Variants in DYNC2H1 observed in about 807,000 individuals in gnomAD.
The protein encoded by DYNC2H1 is dynein cytoplasmic 2 heavy chain 1.
In DYNC2H1, 410 loss-of-function variants were observed where a neutral mutation model predicts 570.0. The ratio of observed to expected loss-of-function variants is 0.72; its 90% CI spans 0.66 to 0.78. The LOEUF is 0.78. Among genes scored for constraint, DYNC2H1 ranks in the 30% least tolerant of loss-of-function variants. The probability of loss-of-function intolerance (pLI) is 0.00; values close to 1 mark genes in which losing one functional copy is unlikely to be tolerated. For synonymous variants in DYNC2H1, 1,688 were observed against 1,677.6 expected (o/e 1.01, Z -0.15); for missense variants, 4,865 against 5,046.4 (o/e 0.96, Z 1.09).
At chr11:103,152,109 A>ATTT (rs745575478) in intron 20 of DYNC2H1, 27 bp from the exon 21 acceptor site, 63 of 1,155,322 alleles carry the variant, frequency 5.5e-5, no homozygotes, top group Middle Eastern at 2.5e-4. Flanking sequence ...TTGTTATTCA[A>ATTT]TTTGTTTTTT....
intron 83 of DYNC2H1, among the ~76,000 whole-genome samples, chr11:103,393,356 G>T (rs766267232): frequency 1.3e-4 from 20 of 152,274 alleles, no homozygotes; most frequent in Non-Finnish European, 2.5e-4. Flanking sequence ...CTGTTTACTT[G>T]ATAGCTTCAC....
chr11:103,295,778 A>G (rs536772232), intron 75 of DYNC2H1, among the ~76,000 whole-genome samples: 1 of 152,228 alleles, frequency 6.6e-6, no homozygotes, highest in South Asian at 2.1e-4. Context: ...CTGCCTCTCT[A>G]TCCTTGCTTT....
At chr11:103,300,170 C>T (rs540666989) in intron 75 of DYNC2H1, among the ~76,000 whole-genome samples, 2 of 151,984 alleles carry the variant, frequency 1.3e-5, no homozygotes, top group South Asian at 2.1e-4. Flanking sequence ...CTGCAAAGTA[C>T]GGGAGTCAAT....
chr11:103,388,293 G>T (rs1467662752), intron 83 of DYNC2H1, among the ~76,000 whole-genome samples: 2 of 151,970 alleles, frequency 1.3e-5, no homozygotes, highest in Non-Finnish European at 2.9e-5. Context: ...CTCATGATTT[G>T]GCTCTCTGTT....
In DYNC2H1 at chr11:103,191,624, G is replaced by GT; in HGVS notation, c.7540+9dup. The stretch of plus-strand genomic sequence containing the variant: ...TTAGATATGATTTAGAAGGAGGTGA[G>GT]TTTTGCTAGTGTGTATCTTGTGTGT... On this transcript the variant is annotated splice_donor_region_variant and intron_variant, in intron 46 of 88. Coordinates refer to ENST00000375735, the MANE Select transcript of DYNC2H1 (RefSeq NM_001377.3). The GT allele has an allele frequency of 6.3e-7, 1 of 1,590,616 alleles. No homozygotes were observed. Among genetic ancestry groups the GT allele is most frequent in the Non-Finnish European group, 8.6e-7 (1 of 1,164,564 alleles).
intron 59 of DYNC2H1, among the ~76,000 whole-genome samples, chr11:103,226,876 G>C (rs1863819616): frequency 6.6e-6 from 1 of 152,044 alleles, no homozygotes; most frequent in African/African-American, 2.4e-5. Flanking sequence ...GTTTGTTATT[G>C]GTCTGTTAAG....
In DYNC2H1 at chr11:103,168,869, G is replaced by A; in HGVS notation, c.4877G>A (p.Trp1626Ter). The A allele has an allele frequency of 6.2e-7, 1 of 1,612,884 alleles. No homozygotes were observed. Residue 1626 changes from tryptophan (W) to a stop codon, truncating the protein, a stop_gained, in exon 32 of 89, where the codon TGG becomes TAG. Coordinates refer to ENST00000375735, the MANE Select transcript of DYNC2H1 (RefSeq NM_001377.3). LOFTEE classifies it high-confidence loss of function. ...IQVHTTEDWA[W>*]KKQLRFYMKS... ...GTTCATACAACTGAAGACTGGGCTT[G>A]GAAAAAACAACTTAGATTCTATATG...
rs953196448 is a variant in DYNC2H1 at position 103,446,915 on chromosome 11, T to C, written c.12457-8271T>C. 3.4e-4 allele frequency among the ~76,000 whole-genome samples: 52 copies of C among 152,124 alleles called. No individual in the cohort carries two copies. Among genetic ancestry groups the C allele is most frequent in the Non-Finnish European group, 1.5e-4 (10 of 68,004 alleles). ...GAGGAGACCTATAAGTAGGTGGACA[T>C]TATAAATTCCTGTTTTGCCACACTA... On this transcript the variant is annotated intron_variant, in intron 85 of 88. Coordinates refer to ENST00000375735, the MANE Select transcript of DYNC2H1 (RefSeq NM_001377.3). The surrounding 1 kb of genome is among the most constrained non-coding windows in gnomAD (Gnocchi z 4.5).
rs777302902 is a variant in DYNC2H1, at chr11:103,154,793, A to G, written c.3557A>G (p.Glu1186Gly). Residue 1186 changes from glutamate (E) to glycine (G), a missense_variant, in exon 24 of 89, where the codon GAG becomes GGG. Glu to Gly is a moderately conservative substitution (Grantham distance 98). Around this residue, in one of 5 missense-constraint regions of DYNC2H1, gnomAD observed 1,936 missense variants for 1,962.1 expected, o/e 0.99. Coordinates refer to ENST00000375735, the MANE Select transcript of DYNC2H1 (RefSeq NM_001377.3). Reference sequence around the variant, plus strand: ...GTGATGACAGTGAAATTACAATCAGAGGTTGACAAATATAAAGTAAGATTG... The same window carrying G: ...GTGATGACAGTGAAATTACAATCAGGGGTTGACAAATATAAAGTAAGATTG... Reference protein sequence around the residue: ...HSVMTVKLQSEVDKYKIVIPI... With the variant: ...HSVMTVKLQSGVDKYKIVIPI... 11 of 1,545,732 alleles carry G rather than the reference A, an allele frequency of 7.1e-6. No homozygotes were observed. The highest frequency in any genetic ancestry group is 9.6e-6 in the Non-Finnish European group (11 of 1,146,358).
At chr11:103,366,785 T>A (rs753975287) in intron 83 of DYNC2H1, among the ~76,000 whole-genome samples, 1 of 152,146 alleles carries the variant, frequency 6.6e-6, no homozygotes, top group Non-Finnish European at 1.5e-5. Flanking sequence ...ATGTTAAGTG[T>A]CCAATAAATA....
chr11:103,413,936 T>C (rs1943184220), intron 84 of DYNC2H1, among the ~76,000 whole-genome samples: 1 of 152,190 alleles, frequency 6.6e-6, no homozygotes, highest in Non-Finnish European at 1.5e-5. Flanking sequence ...CTTTTGTTTG[T>C]CCTTTTTCAT....
chr11:103,150,047 A>C (rs1428099190), intron 20 of DYNC2H1, among the ~76,000 whole-genome samples: 1 of 152,222 alleles, frequency 6.6e-6, no homozygotes, highest in Non-Finnish European at 1.5e-5. Flanking sequence ...AGGAACAGAT[A>C]GATGTAAACA....
At chr11:103,259,016 A>T (rs1232805255) in intron 69 of DYNC2H1, among the ~76,000 whole-genome samples, 1 of 152,212 alleles carries the variant, frequency 6.6e-6, no homozygotes, top group African/African-American at 2.4e-5. Context: ...GGATTAATGC[A>T]TCTGAGTTCC....
In DYNC2H1 at chr11:103,186,565, A is replaced by G; in HGVS notation, c.6893+64A>G. ...ATTCCTGCCGCCCCTAATTGATTTA[A>G]TGGCTTTTGTTATGTTTCTTTTGGT... On this transcript the variant is annotated intron_variant, in intron 42 of 88. Transcript: ENST00000375735. This position sits in a 1 kb window ranked among gnomAD's most constrained non-coding sequence, Gnocchi z 4.5. The G allele has an allele frequency of 1.3e-6, 2 of 1,549,426 alleles. No individual in the cohort carries two copies. Among genetic ancestry groups the G allele is most frequent in the African/African-American group, 1.4e-5 (1 of 73,372 alleles).
chr11:103,220,095 CATT>C (rs1863529563), intron 56 of DYNC2H1, 67 bp downstream of exon 56: 1 of 879,626 alleles, frequency 1.1e-6, no homozygotes, highest in Non-Finnish European at 1.6e-6. Flanking sequence ...GGAATTTAAA[CATT>C]ATTTGTAACT....
intron 82 of DYNC2H1, among the ~76,000 whole-genome samples, chr11:103,345,053 A>G (rs909710519): frequency 1.3e-5 from 2 of 152,160 alleles, no homozygotes; most frequent in African/African-American, 4.8e-5. Context: ...TCACACATGC[A>G]TTTGTGCCCA....
chr11:103,235,623 T>C lies in DYNC2H1; in HGVS notation c.9568-49T>C, dbSNP rs369646773. The C allele has an allele frequency of 2.2e-4, 329 of 1,528,862 alleles. 1 individual carries two copies. The highest frequency in any genetic ancestry group is 3.5e-4 in the South Asian group (26 of 74,154). 94.7% of individuals were successfully genotyped at this position (1,528,862 alleles called of 1,614,324 possible). A position where few individuals can be genotyped will look rare whatever the true frequency, so the allele number is the denominator to read the frequency against. ...CATAAAACTGTCATTTTCTTTAATG[T>C]TAGAACATACTCATATATCTCCCTC... On this transcript the variant is annotated intron_variant, in intron 61 of 88. Transcript: ENST00000375735.
chr11:103,429,456 C>G (rs1255945868), intron 84 of DYNC2H1, among the ~76,000 whole-genome samples: 1 of 101,232 alleles, frequency 9.9e-6, no homozygotes, highest in South Asian at 3.9e-4. Flanking sequence ...TTTTTCTGTA[C>G]TGATAAAAAA....
At chr11:103,407,698 T>A (rs555290117) in intron 84 of DYNC2H1, 1 of 152,026 alleles carries the variant, frequency 6.6e-6, no homozygotes, top group South Asian at 2.1e-4. Flanking sequence ...TACGATAATA[T>A]TCATATATTA....
Sources: gnomAD v4.1 joint callset for allele counts (sites outside exome capture counted in the v4.1 genomes callset) on GRCh38, gnomAD v4.1.1 for gene constraint, gnomAD v4.1.1 regional missense constraint, Gnocchi (gnomAD v3.1) non-coding constraint, MANE v1.5 for transcripts, NCBI Gene and HGNC (gene_info 2026-07-23, HGNC 2026-07-21) for gene names.